Variants in SLC4A4 observed in about 807,000 individuals in gnomAD.
SLC4A4 encodes the protein electrogenic sodium bicarbonate cotransporter 1.
SLC4A4 carries 27 observed loss-of-function variants against 111.5 expected under a neutral mutation model. That is an observed-to-expected ratio of 0.24 (90% CI 0.18 to 0.33). The LOEUF is 0.33. Among genes scored for constraint, SLC4A4 ranks in the 10% least tolerant of loss-of-function variants. The pLI, the probability that SLC4A4 is intolerant of heterozygous loss-of-function variation, is 1.00. For synonymous variants in SLC4A4, 443 were observed against 463.4 expected, an observed-to-expected ratio of 0.96 and a Z score of 0.57; for missense variants, 909 against 1,315.5, an observed-to-expected ratio of 0.69 and a Z score of 4.78.
At chr4:71,250,027 CAT>C (rs1354921452) in intron 2 of SLC4A4, among the ~76,000 whole-genome samples, 2 of 152,110 alleles carry the variant, frequency 1.3e-5, no homozygotes, top group African/African-American at 4.8e-5. Flanking sequence ...TTTTCTTATG[CAT>C]ATACTTTTAA....
intron 3 of SLC4A4, among the ~76,000 whole-genome samples, chr4:71,323,926 G>A (rs1727307864): frequency 6.6e-6 from 1 of 151,910 alleles, no homozygotes; most frequent in African/African-American, 2.4e-5. Flanking sequence ...GACATCCTTG[G>A]CAGAGTATTG....
intron 6 of SLC4A4, among the ~76,000 whole-genome samples, chr4:71,380,671 C>T (rs1718052260): frequency 6.6e-6 from 1 of 152,156 alleles, no homozygotes; most frequent in Admixed American, 6.5e-5. Context: ...CCATGAGAAT[C>T]AAAGATTGTT....
intron 1 of SLC4A4, among the ~76,000 whole-genome samples, chr4:71,068,653 TCA>T (rs1029092907): frequency 2.0e-5 from 3 of 151,832 alleles, no homozygotes; most frequent in African/African-American, 7.3e-5. Context: ...CCTCCGCCTC[TCA>T]GTGTCAAGTG....
chr4:71,103,615 T>A (rs1438991907), intron 2 of SLC4A4, among the ~76,000 whole-genome samples: 1 of 151,996 alleles, frequency 6.6e-6, no homozygotes, highest in African/African-American at 2.4e-5. Flanking sequence ...GAATTAAGAA[T>A]CTCACTCAAA....
chr4:71,288,624 C>T (rs144128912), intron 3 of SLC4A4, among the ~76,000 whole-genome samples: 1 of 152,162 alleles, frequency 6.6e-6, no homozygotes, highest in Non-Finnish European at 1.5e-5. Context: ...GTCTTGTACT[C>T]CTGACCTCAG....
At chr4:71,090,030 G>A (rs1742332266) in intron 1 of SLC4A4, among the ~76,000 whole-genome samples, 1 of 151,662 alleles carries the variant, frequency 6.6e-6, no homozygotes, top group Admixed American at 6.6e-5. Flanking sequence ...TCCTGGAGCT[G>A]TGGTGGGCTC....
At chr4:71,386,061 A>C (rs1159782563) in intron 6 of SLC4A4, among the ~76,000 whole-genome samples, 1 of 151,018 alleles carries the variant, frequency 6.6e-6, no homozygotes, top group Non-Finnish European at 1.5e-5. Flanking sequence ...TTTCATGCTC[A>C]ATTGATGATT....
intron 3 of SLC4A4, among the ~76,000 whole-genome samples, chr4:71,327,658 C>T (rs894205358): frequency 3.3e-5 from 5 of 151,812 alleles, no homozygotes; most frequent in African/African-American, 4.8e-5. Flanking sequence ...TAGCATTTCC[C>T]CTACTATGTA....
intron 7 of SLC4A4, among the ~76,000 whole-genome samples, chr4:71,440,181 T>C (rs1403762816): frequency 6.6e-6 from 1 of 152,134 alleles, no homozygotes; most frequent in Non-Finnish European, 1.5e-5. Context: ...TTAGTACTTA[T>C]CAGCACTTTA....
chr4:71,273,633 C>T (rs552654505), intron 3 of SLC4A4, among the ~76,000 whole-genome samples: 20 of 151,076 alleles, frequency 1.3e-4, no homozygotes, highest in Middle Eastern at 6.9e-3. Context: ...TGGGTAAAGC[C>T]GACTTGCTCC....
At chr4:71,300,686 T>G (rs1578786268) in intron 3 of SLC4A4, 6 of 368,158 alleles carry the variant, frequency 1.6e-5, no homozygotes, top group Admixed American at 3.1e-5. Context: ...CCCAGCGGAG[T>G]GATATGTAGG....
intron 15 of SLC4A4, among the ~76,000 whole-genome samples, chr4:71,488,888 A>ATGTGTGTGTGTG (rs66801188): frequency 0.018 from 2,591 of 140,610 alleles, 96 homozygotes; most frequent in East Asian, 0.12. Context: ...AGAAGAAAAA[A>ATGTGTGTGTGTG]TGTGTGTGTG....
Position 71,082,935 on chromosome 4 carries a change from C to T in SLC4A4, c.-64-9795C>T, listed in dbSNP as rs150337684. ...GTCACAGGATCGCGGCTCACTGTAA[C>T]CTCCGCCTCCCAGGCTTAAGGAGTT... On this transcript the variant is annotated intron_variant, in intron 1 of 26. Transcript: ENST00000649996. 2.0e-4 allele frequency among the ~76,000 whole-genome samples: 31 copies of T among 151,740 alleles called. 2 individuals carry two copies. Among genetic ancestry groups the T allele is most frequent in the African/African-American group, 7.3e-4 (30 of 41,240 alleles).
chr4:71,561,759 T>C (rs149613625), intron 23 of SLC4A4, among the ~76,000 whole-genome samples: 148 of 151,954 alleles, frequency 9.7e-4, no homozygotes, highest in African/African-American at 3.2e-3. Context: ...ACACATTTAA[T>C]AGAAATTAAA....
chr4:71,200,860 T>TG (rs1473217401), intron 1 of SLC4A4, among the ~76,000 whole-genome samples: 3 of 151,982 alleles, frequency 2.0e-5, no homozygotes, highest in Non-Finnish European at 2.9e-5. Context: ...CACGAATATC[T>TG]GGGGGGCTTT....
chr4:71,300,234 GT>G (rs1402720980), intron 3 of SLC4A4: 1 of 197,932 alleles, frequency 5.1e-6, no homozygotes, highest in Non-Finnish European at 1.1e-5. Flanking sequence ...AGGGTCTGGA[GT>G]CAGGGTGAAG....
intron 6 of SLC4A4, among the ~76,000 whole-genome samples, chr4:71,396,932 A>T (rs1018357708): frequency 6.6e-6 from 1 of 152,226 alleles, no homozygotes; most frequent in African/African-American, 2.4e-5. Context: ...TACTTATTTT[A>T]TTCTGGCAAA....
intron 2 of SLC4A4, among the ~76,000 whole-genome samples, chr4:71,105,844 T>G (rs1355173954): frequency 2.3e-5 from 3 of 133,292 alleles, no homozygotes; most frequent in Non-Finnish European, 3.3e-5. Context: ...GGCATTACCA[T>G]TCAGGACATA....
intron 3 of SLC4A4, among the ~76,000 whole-genome samples, chr4:71,317,078 G>A (rs1213423817): frequency 1.7e-3 from 6 of 3,440 alleles, no homozygotes; most frequent in East Asian, 0.017. Context: ...GTGTGTGCGT[G>A]TGTGTGTGTG....
Sources: allele counts gnomAD v4.1 joint callset (sites outside exome capture counted in the v4.1 genomes callset), GRCh38; gene constraint gnomAD v4.1.1; transcripts MANE v1.5; gene names NCBI Gene and HGNC (gene_info 2026-07-23, HGNC 2026-07-21).